Variants in SPPL3 observed in about 807,000 individuals in gnomAD.
SPPL3 encodes signal peptide peptidase-like 3.
Under a neutral mutation model 42.4 loss-of-function variants are expected in SPPL3, and 5 were observed. That is an observed-to-expected ratio of 0.12 (90% CI 0.06 to 0.25). The LOEUF (loss-of-function observed/expected upper bound fraction) is 0.25. Among genes scored for constraint, SPPL3 ranks in the 10% least tolerant of loss-of-function variants. The pLI is 1.00. For missense variants in SPPL3, 235 were observed against 489.0 expected, an observed-to-expected ratio of 0.48 and a Z score of 4.90; for synonymous variants, 195 against 181.8, an observed-to-expected ratio of 1.07 and a Z score of -0.58.
At chr12:120,862,921 C>T (rs536114447) in intron 1 of SPPL3, among the ~76,000 whole-genome samples, 7 of 152,318 alleles carry the variant, frequency 4.6e-5, no homozygotes, top group African/African-American at 1.4e-4. Context: ...TTAGCATAAA[C>T]TCAGGTAGGG....
Position 120,769,093 on chromosome 12 carries a change from C to A in SPPL3, c.503-34G>T. On this transcript the variant is annotated intron_variant, in intron 6 of 10. Transcript: ENST00000353487. ...GAGACAGGGTACAGCAGACAGCAGT[C>A]AGTGTGGACTCCAGGCTCATCCTCT... 3 of 1,514,298 alleles carry A rather than the reference C, an allele frequency of 2.0e-6. No homozygotes were observed. The South Asian group carries it at 3.5e-5, about 18-fold the overall frequency. The allele number at this position is 1,514,298 out of a possible 1,614,324, so 93.8% of individuals were successfully genotyped here.
At chr12:120,841,383 T>C (rs2137026161) in intron 1 of SPPL3, among the ~76,000 whole-genome samples, 1 of 152,146 alleles carries the variant, frequency 6.6e-6, no homozygotes, top group East Asian at 1.9e-4. Context: ...ATCTTTATTA[T>C]TCATCAGTTT....
At chr12:120,768,878 G>A in intron 7 of SPPL3, 75 bp downstream of exon 7, 1 of 1,317,374 alleles carries the variant, frequency 7.6e-7, no homozygotes, top group Non-Finnish European at 1.1e-6. Context: ...GATACTTCTA[G>A]TTAATAGTTT....
chr12:120,787,664 C>T (rs535957545), intron 3 of SPPL3, among the ~76,000 whole-genome samples: 2 of 152,158 alleles, frequency 1.3e-5, no homozygotes, highest in African/African-American at 4.8e-5. Context: ...ACTACTTTCT[C>T]TCTCTCTCTC....
intron 1 of SPPL3, among the ~76,000 whole-genome samples, chr12:120,883,724 A>G (rs1198347561): frequency 6.6e-6 from 1 of 152,248 alleles, no homozygotes; most frequent in Non-Finnish European, 1.5e-5. Context: ...ACTGAAAAAA[A>G]CAAATTATAA....
intron 1 of SPPL3, among the ~76,000 whole-genome samples, chr12:120,901,320 C>T (rs189334981): frequency 1.1e-3 from 168 of 151,922 alleles, no homozygotes; most frequent in Admixed American, 2.5e-3. Context: ...TGGCCGGGCA[C>T]GGTGGTTCAT....
At chr12:120,768,552 C>T in intron 7 of SPPL3, 64 bp from the exon 8 acceptor site, 2 of 1,525,058 alleles carry the variant, frequency 1.3e-6, no homozygotes, top group Non-Finnish European at 8.9e-7. Flanking sequence ...CAGCATCAGC[C>T]CTCCTTGCTC....
At chr12:120,849,080 T>C (rs960803425) in intron 1 of SPPL3, among the ~76,000 whole-genome samples, 9 of 152,048 alleles carry the variant, frequency 5.9e-5, no homozygotes, top group African/African-American at 9.7e-5. Flanking sequence ...GATGGGAGGA[T>C]TGCGTGAGCC....
intron 1 of SPPL3, among the ~76,000 whole-genome samples, chr12:120,896,879 A>G (rs1167599845): frequency 6.6e-6 from 1 of 152,252 alleles, no homozygotes; most frequent in African/African-American, 2.4e-5. Context: ...ATTAAACTCT[A>G]GAAACATCAA....
intron 2 of SPPL3, among the ~76,000 whole-genome samples, chr12:120,806,796 G>C (rs142377390): frequency 6.6e-6 from 1 of 151,196 alleles, no homozygotes; most frequent in African/African-American, 2.4e-5. Context: ...GCAGCGAGCT[G>C]AGATCACACC....
At chr12:120,804,068 ATGT>A (rs1183759036) in intron 2 of SPPL3, among the ~76,000 whole-genome samples, 4 of 152,112 alleles carry the variant, frequency 2.6e-5, no homozygotes, top group African/African-American at 9.7e-5. Context: ...TACTAACCTG[ATGT>A]TGTCTTCCTA....
chr12:120,893,857 T>C (rs1463001387), intron 1 of SPPL3, among the ~76,000 whole-genome samples: 2 of 152,200 alleles, frequency 1.3e-5, no homozygotes, highest in Non-Finnish European at 2.9e-5. Flanking sequence ...CTCCATACTC[T>C]TACCTTTTGG....
chr12:120,846,976 T>C (rs774388644), intron 1 of SPPL3, among the ~76,000 whole-genome samples: 3 of 152,194 alleles, frequency 2.0e-5, no homozygotes, highest in Non-Finnish European at 2.9e-5. Flanking sequence ...AGTAATTAAG[T>C]AGTATGTTTA....
rs923094915 is a variant in SPPL3, at chr12:120,827,337, T to C, written c.24-16451A>G. Among the ~76,000 whole-genome samples, 1,167 of 144,738 alleles carry C rather than the reference T, an allele frequency of 8.1e-3. 26 individuals carry two copies. The highest frequency in any genetic ancestry group is 8.3e-3 in the Non-Finnish European group (555 of 66,766). 95.0% of individuals were successfully genotyped at this position (144,738 alleles called of 152,430 possible). A position where few individuals can be genotyped will look rare whatever the true frequency, so the allele number is the denominator to read the frequency against. ...GCTATAATAACAGGAACAATAATAA[T>C]AATAATAATAATAATAATATAATAA... On this transcript the variant is annotated intron_variant, in intron 1 of 10. Coordinates refer to ENST00000353487, the MANE Select transcript of SPPL3 (RefSeq NM_139015.5).
chr12:120,828,651 G>A (rs958559691), intron 1 of SPPL3, among the ~76,000 whole-genome samples: 6 of 152,234 alleles, frequency 3.9e-5, no homozygotes, highest in Non-Finnish European at 5.9e-5. Flanking sequence ...TATTTATAGT[G>A]TGAATTGGTG....
chr12:120,842,430 A>G (rs895420951), intron 1 of SPPL3, among the ~76,000 whole-genome samples: 2 of 152,190 alleles, frequency 1.3e-5, no homozygotes, highest in African/African-American at 4.8e-5. Flanking sequence ...AATGTTCCCC[A>G]AAAACATGGT....
chr12:120,794,525 G>A (rs10849790), intron 2 of SPPL3, among the ~76,000 whole-genome samples: 29,448 of 152,002 alleles, frequency 0.19, 4,490 homozygotes, highest in African/African-American at 0.41. Context: ...AGCCTCCCGA[G>A]TAGCTGGGAC....
chr12:120,866,844 A>G (rs1872767779), intron 1 of SPPL3, among the ~76,000 whole-genome samples: 1 of 152,262 alleles, frequency 6.6e-6, no homozygotes, highest in African/African-American at 2.4e-5. Flanking sequence ...GACTGACAGC[A>G]TAATTCTGAG....
chr12:120,872,244 G>C (rs553789263), intron 1 of SPPL3, among the ~76,000 whole-genome samples: 204 of 152,256 alleles, frequency 1.3e-3, no homozygotes, highest in Middle Eastern at 0.01. Context: ...AATTTAAACA[G>C]GAGGACTCTC....
Sources: gnomAD v4.1 joint callset for allele counts (sites outside exome capture counted in the v4.1 genomes callset) on GRCh38, gnomAD v4.1.1 for gene constraint, MANE v1.5 for transcripts, NCBI Gene and HGNC (gene_info 2026-07-23, HGNC 2026-07-21) for gene names.